Variants in TACC2 observed in about 807,000 individuals in gnomAD.
TACC2 encodes transforming acidic coiled-coil-containing protein 2.
TACC2 carries 137 observed loss-of-function variants against 227.3 expected under a neutral mutation model. That is an observed-to-expected ratio of 0.60 (90% CI 0.52 to 0.69). The LOEUF (loss-of-function observed/expected upper bound fraction) is 0.69, where lower values mean the gene tolerates loss of function less well. Ranked by LOEUF, TACC2 falls within the 30% of genes least tolerant of loss-of-function variation. The pLI, the probability that TACC2 is intolerant of heterozygous loss-of-function variation, is 0.00. For synonymous variants in TACC2, 1,523 were observed against 1,487.5 expected, an observed-to-expected ratio of 1.02 and a Z score of -0.55; for missense variants, 3,470 against 3,694.4, an observed-to-expected ratio of 0.94 and a Z score of 1.57.
chr10:122,016,248 T>G (rs1308555987), intron 1 of TACC2, among the ~76,000 whole-genome samples: 12 of 113,846 alleles, frequency 1.1e-4, no homozygotes, highest in South Asian at 2.9e-4. Flanking sequence ...GGTGACAGAG[T>G]GAGACCCTGT....
intron 2 of TACC2, chr10:122,023,446 C>G (rs970049938): frequency 6.6e-6 from 1 of 151,556 alleles, no homozygotes; most frequent in Non-Finnish European, 1.5e-5. Flanking sequence ...TGGGTGTGAC[C>G]ATGGAATACT....
At chr10:122,125,961 T>C (rs2086769768) in intron 5 of TACC2, among the ~76,000 whole-genome samples, 1 of 151,994 alleles carries the variant, frequency 6.6e-6, no homozygotes, top group South Asian at 2.1e-4. Flanking sequence ...GTATTTTTAG[T>C]AGAGATGGGG....
chr10:122,177,722 G>A (rs1440513817), intron 7 of TACC2, among the ~76,000 whole-genome samples: 1 of 152,190 alleles, frequency 6.6e-6, no homozygotes, highest in African/African-American at 2.4e-5. Flanking sequence ...GGATTATTCT[G>A]TCGCAGAAAG....
chr10:122,241,783 G>T, intron 18 of TACC2, 175 bp from the exon 19 acceptor site: 1 of 651,406 alleles, frequency 1.5e-6, no homozygotes. Flanking sequence ...ACAAGGGAGT[G>T]GCATATTTAG....
At chr10:122,231,614 A>C (rs915768918) in intron 16 of TACC2, among the ~76,000 whole-genome samples, 4 of 152,206 alleles carry the variant, frequency 2.6e-5, no homozygotes, top group Non-Finnish European at 5.9e-5. Flanking sequence ...CCCATTTTAC[A>C]GATGGGAGAT....
intron 10 of TACC2, among the ~76,000 whole-genome samples, chr10:122,215,839 A>G (rs1351964781): frequency 6.6e-6 from 1 of 152,128 alleles, no homozygotes; most frequent in African/African-American, 2.4e-5. Context: ...TGTGCAGCCA[A>G]AATTGGAGTG....
chr10:122,194,434 G>A lies in TACC2; in HGVS notation c.5835-606G>A, dbSNP rs1285302692. Among the ~76,000 whole-genome samples, 1 of 152,174 alleles carries A rather than the reference G, an allele frequency of 6.6e-6. No individual in the cohort carries two copies. Among genetic ancestry groups the A allele is most frequent in the Non-Finnish European group, 1.5e-5 (1 of 68,040 alleles). On this transcript the variant is annotated intron_variant, in intron 7 of 22. Transcript: ENST00000369005. This position sits in a 1 kb window ranked among gnomAD's most constrained non-coding sequence, Gnocchi z 4.4. Reference sequence around the variant, plus strand: ...CTTGGTCTGATGCACCCTCTGCCTGGCCGGCTTGCTGGCTTCCTTCGTTCA... The same window carrying A: ...CTTGGTCTGATGCACCCTCTGCCTGACCGGCTTGCTGGCTTCCTTCGTTCA...
Position 122,040,699 on chromosome 10 carries a change from G to A in TACC2, c.34-9739G>A, listed in dbSNP as rs1189672978. On this transcript the variant is annotated intron_variant, in intron 2 of 22. Transcript: ENST00000369005. ...CTCACTTAAAACATATCATCATTCA[G>A]TAACTCCATTCTAACACTTCTATTG... 3.9e-5 allele frequency among the ~76,000 whole-genome samples: 6 copies of A among 152,220 alleles called. 1 individual carries two copies. The South Asian group carries it at 8.3e-4, about 21-fold the overall frequency.
Position 122,210,322 on chromosome 10 carries a change from T to C in TACC2, c.5972-75T>C. 10 of 1,188,010 alleles carry C rather than the reference T, an allele frequency of 8.4e-6. No individual in the cohort carries two copies. Among genetic ancestry groups the C allele is most frequent in the Non-Finnish European group, 1.3e-5 (10 of 799,360 alleles). The allele number at this position is 1,188,010 out of a possible 1,614,324, so 73.6% of individuals were successfully genotyped here. A position where few individuals can be genotyped will look rare whatever the true frequency, so the allele number is the denominator to read the frequency against. The stretch of plus-strand genomic sequence containing the variant: ...TGTCAACCCCTACGCTGGAGGGTGA[T>C]GTTTTGGTACAAGAGGAGAGGTGCC... On this transcript the variant is annotated intron_variant, in intron 8 of 22. Transcript: ENST00000369005. The surrounding 1 kb of genome is among the most constrained non-coding windows in gnomAD (Gnocchi z 4.6).
intron 5 of TACC2, among the ~76,000 whole-genome samples, chr10:122,115,172 G>C (rs2084411979): frequency 6.6e-6 from 1 of 152,202 alleles, no homozygotes; most frequent in Middle Eastern, 3.2e-3. Flanking sequence ...GATATGTCTG[G>C]TTCACAATGC....
At chr10:122,107,890 T>TTTC (rs1491498306) in intron 5 of TACC2, among the ~76,000 whole-genome samples, 2 of 46,786 alleles carry the variant, frequency 4.3e-5, no homozygotes, top group Non-Finnish European at 1.2e-4. Flanking sequence ...ATTTTTTTTT[T>TTTC]CTTTTTTCTT....
Position 122,086,266 on chromosome 10 carries a change from G to C in TACC2, c.3766G>C (p.Val1256Leu), listed in dbSNP as rs758573870. 6.2e-7 allele frequency: 1 copy of C among 1,614,012 alleles called. No individual in the cohort carries two copies. The highest frequency in any genetic ancestry group is 8.5e-7 in the Non-Finnish European group (1 of 1,180,036). ...RGAEDSGVKA[V>L]SSADPRAPGE... ...AGCAGAAGACAGTGGAGTGAAAGCT[G>C]TTTCCTCTGCAGACCCCAGAGCTCC... Residue 1256 changes from valine to leucine, a missense_variant, in exon 4 of 23, where the codon GTT (valine) becomes CTT (leucine). This residue lies in a region of TACC2 where 1,924 missense variants were observed against 1,978.3 expected (regional missense o/e 0.97). Transcript: ENST00000369005.
chr10:122,113,225 C>T (rs1325745023), intron 5 of TACC2: 1 of 152,236 alleles, frequency 6.6e-6, no homozygotes, highest in Non-Finnish European at 1.5e-5. Flanking sequence ...CCCCTATCTC[C>T]CCGGGCGGGT....
intron 7 of TACC2, among the ~76,000 whole-genome samples, chr10:122,167,600 A>C (rs2093246709): frequency 6.6e-6 from 1 of 152,146 alleles, no homozygotes; most frequent in Non-Finnish European, 1.5e-5. Context: ...ATCTGTGGTT[A>C]GAAGTGGGGT....
chr10:122,189,825 C>G (rs944266371), intron 7 of TACC2, among the ~76,000 whole-genome samples: 4 of 152,184 alleles, frequency 2.6e-5, no homozygotes, highest in African/African-American at 9.7e-5. Context: ...GAAGGTAGGC[C>G]TGGTTCTATG....
intron 5 of TACC2, among the ~76,000 whole-genome samples, chr10:122,122,577 G>A (rs897858115): frequency 1.3e-5 from 2 of 150,318 alleles, no homozygotes; most frequent in Non-Finnish European, 2.9e-5. Flanking sequence ...TTCTCCCTGC[G>A]TGGGCTCCAG....
chr10:122,005,183 G>C (rs1236951742), intron 1 of TACC2, among the ~76,000 whole-genome samples: 1 of 151,576 alleles, frequency 6.6e-6, no homozygotes, highest in Admixed American at 6.6e-5. Context: ...CCGGGTTCAA[G>C]TGATTCTCCT....
chr10:122,152,645 C>T (rs542624481), intron 7 of TACC2, among the ~76,000 whole-genome samples: 12 of 152,290 alleles, frequency 7.9e-5, no homozygotes, highest in African/African-American at 2.9e-4. Flanking sequence ...CAGCTTGTCC[C>T]GAGGTTGGCA....
At chr10:122,099,509 T>A (rs2081900343) in intron 5 of TACC2, among the ~76,000 whole-genome samples, 1 of 152,148 alleles carries the variant, frequency 6.6e-6, no homozygotes, top group African/African-American at 2.4e-5. Flanking sequence ...GAGATAAAAC[T>A]CCAGTTTCAG....
Sources: gnomAD v4.1 joint callset for allele counts (sites outside exome capture counted in the v4.1 genomes callset) on GRCh38, gnomAD v4.1.1 for gene constraint, gnomAD v4.1.1 regional missense constraint, Gnocchi (gnomAD v3.1) non-coding constraint, MANE v1.5 for transcripts, NCBI Gene and HGNC (gene_info 2026-07-23, HGNC 2026-07-21) for gene names.